The following POTEG variants were observed in gnomAD, a reference collection of about 807,000 sequenced individuals.
POTEG encodes POTE ankyrin domain family member G.
Under a neutral mutation model 49.6 loss-of-function variants are expected in POTEG, and 2 were observed. The observed-to-expected ratio is 0.04, with a 90% CI of 0.02 to 0.13. The LOEUF (loss-of-function observed/expected upper bound fraction) is 0.13. Ranked by LOEUF, POTEG falls within the 10% of genes least tolerant of loss-of-function variation. The probability of loss-of-function intolerance (pLI) is 1.00; values close to 1 mark genes in which losing one functional copy is unlikely to be tolerated. For missense variants in POTEG, 26 were observed against 545.2 expected (o/e 0.05, Z 9.48); for synonymous variants, 7 against 186.6 (o/e 0.04, Z 7.84).
intron 7 of POTEG, among the ~76,000 whole-genome samples, 161 bp from the exon 8 acceptor site, chr14:19,414,767 A>T (rs1322126811): frequency 6.8e-6 from 1 of 147,372 alleles, no homozygotes; most frequent in African/African-American, 2.4e-5. Flanking sequence ...ATAAATAATA[A>T]TTAAAATTAA....
In POTEG at chr14:19,434,058, T is replaced by C. The variant is rs1336881339; in HGVS notation, c.232A>G (p.Ser78Gly). The C allele has an allele frequency of 4.0e-6, 5 of 1,259,876 alleles. 1 individual carries two copies. The highest frequency in any genetic ancestry group is 5.4e-6 in the Non-Finnish European group (5 of 931,128). The allele number at this position is 1,259,876 out of a possible 1,614,324, so 78.0% of individuals were successfully genotyped here. The change falls in exon 1 of 11, where the codon AGC becomes GGC. Residue 78 changes from serine to glycine, a missense_variant. By Grantham distance (56) the Ser-to-Gly change is moderately conservative. Transcript: ENST00000547848. Reference protein sequence around the residue: ...CFPWCRGSSKSNVGTSGDHDD... With the variant: ...CFPWCRGSSKGNVGTSGDHDD... ...TGGTCTCCAGAAGTGCCCACGTTGC[T>C]CTTGCTGCTCCCCCTGCACCAGGGG...
Position 19,432,388 on chromosome 14 carries a change from A to ACACATG in POTEG, c.521+1380_521+1381insCATGTG, listed in dbSNP as rs1260039686. On this transcript the variant is annotated intron_variant, in intron 1 of 10. Coordinates refer to ENST00000547848, the MANE Select transcript of POTEG (RefSeq NM_001005356.3). ...TTTGTATATATATATATATATATAT[A>ACACATG]TATATATATATATATACACACACAT... Among the ~76,000 whole-genome samples, 325 of 70,630 alleles carry ACACATG rather than the reference A, an allele frequency of 4.6e-3. 1 individual carries two copies. Among genetic ancestry groups the ACACATG allele is most frequent in the South Asian group, 0.013 (22 of 1,710 alleles). The allele number at this position is 70,630 out of a possible 152,430, so 46.3% of individuals were successfully genotyped here. A position where few individuals can be genotyped will look rare whatever the true frequency, so the allele number is the denominator to read the frequency against.
intron 7 of POTEG, among the ~76,000 whole-genome samples, chr14:19,415,937 C>T (rs1001670824): frequency 4.8e-5 from 7 of 145,356 alleles, no homozygotes; most frequent in Non-Finnish European, 1.1e-4. Context: ...CTCCACCCCC[C>T]AGGTTCATGG....
At chr14:19,432,328 A>G (rs1884162682) in intron 1 of POTEG, among the ~76,000 whole-genome samples, 2 of 94,936 alleles carry the variant, frequency 2.1e-5, no homozygotes, top group Non-Finnish European at 4.4e-5. Context: ...AGCCTGGGCA[A>G]CAGAGTGAGA....
chr14:19,426,873 G>GAA, intron 3 of POTEG: 1 of 412,092 alleles, frequency 2.4e-6, no homozygotes, highest in East Asian at 7.2e-5. Context: ...AAGAAAGAAA[G>GAA]AAAAAAACAA....
intron 7 of POTEG, among the ~76,000 whole-genome samples, 178 bp from the exon 8 acceptor site, chr14:19,414,784 C>T (rs1436635555): frequency 2.2e-4 from 32 of 144,744 alleles, no homozygotes; most frequent in African/African-American, 7.1e-4. Flanking sequence ...TTAAGATTAA[C>T]TTTTTAATCT....
intron 9 of POTEG, among the ~76,000 whole-genome samples, chr14:19,405,662 AG>A (rs202184234): frequency 0.096 from 11,942 of 124,966 alleles, 597 homozygotes; most frequent in African/African-American, 0.18. Flanking sequence ...AGAGAAATAA[AG>A]GGCATCCAAA....
In POTEG at chr14:19,415,828, AATTTTT is replaced by A. The variant is rs1223383843; in HGVS notation, c.1197+454_1197+459del. Reference sequence around the variant, plus strand: ...ACAATAAATTTTAAGAATCTATTAAAATTTTTTTTTTTTTTTTTTTTTTTTTTTTTT... The same window carrying A: ...ACAATAAATTTTAAGAATCTATTAAATTTTTTTTTTTTTTTTTTTTTTTTT... On this transcript the variant is annotated intron_variant, in intron 7 of 10. Coordinates refer to ENST00000547848, the MANE Select transcript of POTEG (RefSeq NM_001005356.3). 2.4e-4 allele frequency among the ~76,000 whole-genome samples: 32 copies of A among 132,936 alleles called. No homozygotes were observed. The South Asian group carries it at 4.9e-3, about 21-fold the overall frequency. The allele number at this position is 132,936 out of a possible 152,430, so 87.2% of individuals were successfully genotyped here. A position where few individuals can be genotyped will look rare whatever the true frequency, so the allele number is the denominator to read the frequency against.
At chr14:19,432,403 T>TATATACACACAC (rs1330765784) in intron 1 of POTEG, among the ~76,000 whole-genome samples, 56 of 44,698 alleles carry the variant, frequency 1.3e-3, no homozygotes, top group Non-Finnish European at 2.0e-3. Context: ...TATATATATA[T>TATATACACACAC]ACACACACAT....
chr14:19,408,942 A>ATATACAAATATACAAAGTAATTGATC (rs1883366841), intron 9 of POTEG, among the ~76,000 whole-genome samples: 3 of 150,854 alleles, frequency 2.0e-5, no homozygotes, highest in Non-Finnish European at 3.0e-5. Flanking sequence ...TTACCAGTAA[A>ATATACAAATATACAAAGTAATTGATC]AGAATAGTGA....
chr14:19,416,324 T>G lies in POTEG; in HGVS notation c.1161A>C (p.Ser387=), dbSNP rs1401214649. ...TATTTTCACTTCCTTTAAGCCTTTG[T>G]GACTCTTCCTCTGATGTCAGCTTTA... ...QDLKLTSEEE[S]QRLKGSENSQ... Residue 387 remains serine (S), a synonymous_variant, in exon 7 of 11, where the codon TCA becomes TCC. Coordinates refer to ENST00000547848, the MANE Select transcript of POTEG (RefSeq NM_001005356.3). 2 of 1,550,992 alleles carry G rather than the reference T, an allele frequency of 1.3e-6. No homozygotes were observed. Among genetic ancestry groups the G allele is most frequent in the Admixed American group, 2.2e-5 (1 of 46,372 alleles).
chr14:19,415,681 C>G (rs1347322068), intron 7 of POTEG, among the ~76,000 whole-genome samples: 46 of 151,628 alleles, frequency 3.0e-4, no homozygotes, highest in Non-Finnish European at 6.1e-4. Context: ...ATCAAGAAGG[C>G]AGATAAGAAT....
intron 1 of POTEG, among the ~76,000 whole-genome samples, chr14:19,429,796 ATTTC>A (rs1417696686): frequency 5.2e-4 from 27 of 51,524 alleles, no homozygotes; most frequent in African/African-American, 1.7e-3. Flanking sequence ...ACAAAAACAA[ATTTC>A]TAAAATAAAC....
intron 1 of POTEG, among the ~76,000 whole-genome samples, chr14:19,432,345 CAAA>C (rs1291139817): frequency 4.0e-4 from 10 of 24,998 alleles, no homozygotes; most frequent in Middle Eastern, 0.036. Context: ...GAGACTCCAT[CAAA>C]AAAAAAAAAG....
At chr14:19,432,403 T>TATATATACACACAC (rs1330765784) in intron 1 of POTEG, among the ~76,000 whole-genome samples, 6 of 44,724 alleles carry the variant, frequency 1.3e-4, no homozygotes, top group Admixed American at 5.0e-4. Context: ...TATATATATA[T>TATATATACACACAC]ACACACACAT....
chr14:19,425,821 A>G, intron 3 of POTEG, 109 bp from the exon 4 acceptor site: 1 of 160,368 alleles, frequency 6.2e-6, no homozygotes, highest in South Asian at 6.9e-5. Flanking sequence ...CATAGAAAGT[A>G]AATAAAATGT....
chr14:19,425,107 A>T (rs1465667480), intron 4 of POTEG: 9 of 56,180 alleles, frequency 1.6e-4, no homozygotes, highest in African/African-American at 6.1e-4. Context: ...TTGAACCCAC[A>T]GTACGTGGGA....
intron 7 of POTEG, among the ~76,000 whole-genome samples, chr14:19,415,805 A>C (rs1171161390): frequency 1.3e-5 from 2 of 151,752 alleles, no homozygotes; most frequent in African/African-American, 4.8e-5. Context: ...AATTTATTAC[A>C]ATAAATTTTA....
At chr14:19,415,932 C>T (rs1462211528) in intron 7 of POTEG, among the ~76,000 whole-genome samples, 3 of 146,260 alleles carry the variant, frequency 2.1e-5, no homozygotes, top group Admixed American at 1.4e-4. Flanking sequence ...GCAAGCTCCA[C>T]CCCCCAGGTT....
Sources: allele counts gnomAD v4.1 joint callset (sites outside exome capture counted in the v4.1 genomes callset), GRCh38; gene constraint gnomAD v4.1.1; transcripts MANE v1.5; gene names NCBI Gene and HGNC (gene_info 2026-07-23, HGNC 2026-07-21).